The following CUL4A variants were observed in gnomAD, a reference collection of about 807,000 sequenced individuals.
CUL4A encodes the protein cullin-4A.
A neutral mutation model predicts 95.5 loss-of-function variants in CUL4A; 16 were observed. The observed-to-expected ratio is 0.17, with a 90% CI of 0.11 to 0.25. The LOEUF is 0.25. Ranked by LOEUF, CUL4A falls within the 10% of genes least tolerant of loss-of-function variation. CUL4A has a pLI of 1.00. For synonymous variants in CUL4A, 380 were observed against 353.1 expected, an observed-to-expected ratio of 1.08 and a Z score of -0.85; for missense variants, 610 against 937.0, an observed-to-expected ratio of 0.65 and a Z score of 4.56.
intron 15 of CUL4A, 148 bp downstream of exon 15, chr13:113,246,211 G>A (rs2041852966): frequency 3.2e-6 from 2 of 631,514 alleles, no homozygotes; most frequent in Non-Finnish European, 5.5e-6. Context: ...CTTTGGAAAT[G>A]TGCTTGAGAA....
chr13:113,236,427 G>A (rs2041546346), intron 8 of CUL4A, among the ~76,000 whole-genome samples: 1 of 152,204 alleles, frequency 6.6e-6, no homozygotes, highest in Non-Finnish European at 1.5e-5. Context: ...GCTTCCCTGA[G>A]CCCTTTCTGC....
At chr13:113,236,328 AAGC>A (rs938256537) in intron 8 of CUL4A, among the ~76,000 whole-genome samples, 40 of 152,210 alleles carry the variant, frequency 2.6e-4, no homozygotes, top group Middle Eastern at 3.4e-3. Flanking sequence ...GGAGACTGGG[AAGC>A]AGCAGCCAGG....
intron 11 of CUL4A, 44 bp from the exon 12 acceptor site, chr13:113,244,366 T>A: frequency 7.1e-7 from 1 of 1,412,656 alleles, no homozygotes; most frequent in East Asian, 2.4e-5. Context: ...GAAGATGCTC[T>A]CTTTTTCTAG....
rs1183955517 is a variant in CUL4A, at chr13:113,263,739, A to T, written c.*157A>T. On this transcript the variant is annotated 3_prime_UTR_variant, in exon 20 of 20. Transcript: ENST00000375440. ...CCTGGGTCATCTTTCACAAGGCTCA[A>T]GACTTCAACCTGCAGATGTATCTTT... 1 of 473,808 alleles carries T rather than the reference A, an allele frequency of 2.1e-6. No individual in the cohort carries two copies. Among genetic ancestry groups the T allele is most frequent in the African/African-American group, 2.0e-5 (1 of 50,088 alleles). 29.4% of individuals were successfully genotyped at this position (473,808 alleles called of 1,614,324 possible).
chr13:113,239,591 C>A, intron 10 of CUL4A, 40 bp downstream of exon 10: 1 of 1,494,932 alleles, frequency 6.7e-7, no homozygotes, highest in Non-Finnish European at 9.2e-7. Context: ...TGGGCATTCC[C>A]TGCAGGGAGC....
chr13:113,217,558 T>G (rs554804905), intron 2 of CUL4A, among the ~76,000 whole-genome samples: 1 of 152,216 alleles, frequency 6.6e-6, no homozygotes, highest in South Asian at 2.1e-4. Context: ...AATCACTGTA[T>G]GTATTTAACT....
intron 18 of CUL4A, among the ~76,000 whole-genome samples, chr13:113,258,930 C>A (rs1319299537): frequency 6.6e-6 from 1 of 152,170 alleles, no homozygotes; most frequent in Non-Finnish European, 1.5e-5. Context: ...TGGCTCAGAT[C>A]CATGAAGCAT....
chr13:113,245,278 A>G (rs777100495), intron 14 of CUL4A, 41 bp downstream of exon 14: 1 of 1,564,608 alleles, frequency 6.4e-7, no homozygotes, highest in Non-Finnish European at 8.8e-7. Context: ...TTTAAAAAGT[A>G]TCTGTTAGTG....
chr13:113,229,910 G>C, intron 5 of CUL4A: 1 of 435,288 alleles, frequency 2.3e-6, no homozygotes, highest in Admixed American at 4.0e-5. Flanking sequence ...CTGTGGAATG[G>C]CTTGCTCAGC....
intron 10 of CUL4A, 84 bp downstream of exon 10, chr13:113,239,635 G>C: frequency 2.9e-6 from 3 of 1,033,094 alleles, no homozygotes; most frequent in Non-Finnish European, 4.3e-6. Flanking sequence ...GTGTGCCCTG[G>C]CAAAGGGAAC....
intron 18 of CUL4A, 33 bp downstream of exon 18, chr13:113,255,158 G>T (rs774742519): frequency 1.3e-6 from 2 of 1,494,130 alleles, no homozygotes; most frequent in Non-Finnish European, 1.8e-6. Flanking sequence ...TACTTATAGG[G>T]GGTTTAGCAG....
At chr13:113,240,736 G>C (rs1332053881) in intron 10 of CUL4A, among the ~76,000 whole-genome samples, 2 of 152,076 alleles carry the variant, frequency 1.3e-5, no homozygotes, top group Non-Finnish European at 2.9e-5. Flanking sequence ...GGTTATAAAA[G>C]GCCCCAGGAG....
Position 113,231,466 on chromosome 13 carries a change from A to T in CUL4A, c.513-1711A>T, listed in dbSNP as rs2041307742. On this transcript the variant is annotated intron_variant, in intron 5 of 19. Transcript: ENST00000375440. ...GGGAGTGGGAGGTGGGGAGGGATAG[A>T]GCTGATGAGGGCCCTGAAGGGTTTT... Among the ~76,000 whole-genome samples the T allele has an allele frequency of 2.6e-5, 4 of 152,122 alleles. 1 individual carries two copies. Among genetic ancestry groups the T allele is most frequent in the Admixed American group, 2.6e-4 (4 of 15,272 alleles).
intron 3 of CUL4A, among the ~76,000 whole-genome samples, chr13:113,224,922 G>A (rs748460376): frequency 3.9e-5 from 6 of 152,208 alleles, no homozygotes; most frequent in Non-Finnish European, 8.8e-5. Flanking sequence ...CCGGTCTGTC[G>A]GTACAGGCAG....
intron 5 of CUL4A, among the ~76,000 whole-genome samples, chr13:113,232,681 CAG>C (rs1278182738): frequency 2.0e-5 from 3 of 152,194 alleles, no homozygotes; most frequent in Non-Finnish European, 4.4e-5. Flanking sequence ...CTTCTCTTCT[CAG>C]GGGAAAGCAG....
At chr13:113,209,099 C>A (rs1260523089), upstream of CUL4A, among the ~76,000 whole-genome samples, 1 of 150,464 alleles carries the variant, frequency 6.6e-6, no homozygotes, top group Admixed American at 6.6e-5. Flanking sequence ...GCCTCCGCCG[C>A]GCGCTCCCGA....
At position 113,232,883 on chromosome 13, in the gene CUL4A, G is replaced by T. The variant is rs575873585; in HGVS notation, c.513-294G>T. On this transcript the variant is annotated intron_variant, in intron 5 of 19. Coordinates refer to ENST00000375440, the MANE Select transcript of CUL4A (RefSeq NM_001008895.4). ...TCCCGTCGCTCAGCAGGAAGGTGGC[G>T]AGGACCCCGGGCTTCTGCCAGCAGC... Among the ~76,000 whole-genome samples the T allele has an allele frequency of 3.3e-5, 5 of 152,226 alleles. No homozygotes were observed. In the East Asian group the frequency reaches 9.7e-4, roughly 29 times the overall value.
chr13:113,223,929 A>G (rs1170666073), intron 3 of CUL4A, among the ~76,000 whole-genome samples: 1 of 152,152 alleles, frequency 6.6e-6, no homozygotes, highest in Non-Finnish European at 1.5e-5. Context: ...CCTTCCTCAA[A>G]ATAAAGGCCA....
chr13:113,261,508 C>A (rs1056897801), intron 19 of CUL4A, among the ~76,000 whole-genome samples: 1 of 152,192 alleles, frequency 6.6e-6, no homozygotes, highest in African/African-American at 2.4e-5. Context: ...CATTTGCCCC[C>A]TTCCCTGCAG....
Sources: allele counts gnomAD v4.1 joint callset (sites outside exome capture counted in the v4.1 genomes callset), GRCh38; gene constraint gnomAD v4.1.1; transcripts MANE v1.5; gene names NCBI Gene and HGNC (gene_info 2026-07-23, HGNC 2026-07-21).